KIRREL3: variants seen among roughly 807,000 people sequenced by gnomAD.
KIRREL3 encodes kin of IRRE-like protein 3.
A neutral mutation model predicts 89.7 loss-of-function variants in KIRREL3; 36 were observed. The ratio of observed to expected loss-of-function variants is 0.40; its 90% confidence interval spans 0.31 to 0.53. The LOEUF is 0.53. KIRREL3 is among the 20% of genes least tolerant of loss of function. The probability of loss-of-function intolerance (pLI) is 0.49; values close to 1 mark genes in which losing one functional copy is unlikely to be tolerated. For synonymous variants in KIRREL3, 445 were observed against 441.4 expected (o/e 1.01, Z -0.10); for missense variants, 864 against 1,056.6 (o/e 0.82, Z 2.53).
In KIRREL3 at chr11:126,997,679, C is replaced by T. The variant is rs377623172; in HGVS notation, c.55+2776G>A. Among the ~76,000 whole-genome samples, 19 of 152,300 alleles carry T rather than the reference C, an allele frequency of 1.2e-4. No homozygotes were observed. Among genetic ancestry groups the T allele is most frequent in the Admixed American group, 3.3e-4 (5 of 15,306 alleles). ...ATTAGGAAGAAAAGGATGGCTGGAA[C>T]GGACTTTAAGAGTTTATTTGTATCT... On this transcript the variant is annotated intron_variant, in intron 1 of 16. Transcript: ENST00000525144. The surrounding 1 kb of genome is among the most constrained non-coding windows in gnomAD (Gnocchi z 4.3).
chr11:126,789,839 G>A (rs7111802), intron 1 of KIRREL3, among the ~76,000 whole-genome samples: 3,608 of 152,150 alleles, frequency 0.024, 140 homozygotes, highest in African/African-American at 0.081. Context: ...ATGGAATCCC[G>A]TCCTTGAACT....
Position 126,795,021 on chromosome 11 carries a change from T to C in KIRREL3, c.55+205434A>G, listed in dbSNP as rs571637504. ...GCTAAATACTGTGTGATGTCAACTATATAATATTCTGGAAAGGCAGACAAA... is the reference window on the plus strand; with the variant it reads ...GCTAAATACTGTGTGATGTCAACTACATAATATTCTGGAAAGGCAGACAAA... On this transcript the variant is annotated intron_variant, in intron 1 of 16. Coordinates refer to ENST00000525144, the MANE Select transcript of KIRREL3 (RefSeq NM_032531.4). The surrounding 1 kb of genome is among the most constrained non-coding windows in gnomAD (Gnocchi z 4.1). Among the ~76,000 whole-genome samples the C allele has an allele frequency of 6.6e-6, 1 of 152,308 alleles. No homozygotes were observed. The highest frequency in any genetic ancestry group is 2.1e-4 in the South Asian group (1 of 4,828).
At chr11:126,681,281 C>A (rs1256553760) in intron 1 of KIRREL3, among the ~76,000 whole-genome samples, 1 of 152,208 alleles carries the variant, frequency 6.6e-6, no homozygotes, top group Non-Finnish European at 1.5e-5. Context: ...ACCTTCCCTT[C>A]ATACCTCCAG....
intron 9 of KIRREL3, among the ~76,000 whole-genome samples, chr11:126,446,229 G>GT (rs1417032801): frequency 1.2e-4 from 18 of 151,000 alleles, no homozygotes; most frequent in African/African-American, 4.1e-4. Context: ...TTTGGGGGAA[G>GT]TTTAAAAGGC....
rs1948268213 is a variant in KIRREL3 at position 126,723,704 on chromosome 11, A to G, written c.56-160792T>C. ...AGTACCTAGACCATGATGACATAAT[A>G]ATAGATGCAGAATTAATTTTCATTG... On this transcript the variant is annotated intron_variant, in intron 1 of 16. Transcript: ENST00000525144. This position sits in a 1 kb window ranked among gnomAD's most constrained non-coding sequence, Gnocchi z 4.0. Among the ~76,000 whole-genome samples, 1 of 152,190 alleles carries G rather than the reference A, an allele frequency of 6.6e-6. No individual in the cohort carries two copies. Among genetic ancestry groups the G allele is most frequent in the Non-Finnish European group, 1.5e-5 (1 of 68,040 alleles).
Position 126,491,993 on chromosome 11 carries a change from C to T in KIRREL3, c.434-18527G>A, listed in dbSNP as rs929935916. Reference sequence around the variant, plus strand: ...CTAGGATTACAGGTGTGAGCCACCACGCCTGGGAGATTTGGAGTATTGATA... The same window carrying T: ...CTAGGATTACAGGTGTGAGCCACCATGCCTGGGAGATTTGGAGTATTGATA... On this transcript the variant is annotated intron_variant, in intron 4 of 16. Coordinates refer to ENST00000525144, the MANE Select transcript of KIRREL3 (RefSeq NM_032531.4). The surrounding 1 kb of genome is among the most constrained non-coding windows in gnomAD (Gnocchi z 5.5). Among the ~76,000 whole-genome samples the T allele has an allele frequency of 2.0e-5, 3 of 152,206 alleles. No homozygotes were observed. The highest frequency in any genetic ancestry group is 4.8e-5 in the African/African-American group (2 of 41,548).
chr11:126,693,633 C>CACA (rs1231272271), intron 1 of KIRREL3, among the ~76,000 whole-genome samples: 2 of 104,718 alleles, frequency 1.9e-5, no homozygotes, highest in Admixed American at 9.7e-5. Flanking sequence ...ACACACACAC[C>CACA]CATAGTCAGA....
At position 126,747,183 on chromosome 11, in the gene KIRREL3, G is replaced by T. The variant is rs1949181124; in HGVS notation, c.56-184271C>A. 6.6e-6 allele frequency among the ~76,000 whole-genome samples: 1 copy of T among 152,156 alleles called. No individual in the cohort carries two copies. Among genetic ancestry groups the T allele is most frequent in the African/African-American group, 2.4e-5 (1 of 41,436 alleles). ...AAGTTGGCCTCATAGCATAGAGCTT[G>T]GCTCTTGGCTTAGTCCCAGGCCAGC... is the stretch of plus-strand genomic sequence containing the variant. On this transcript the variant is annotated intron_variant, in intron 1 of 16. Coordinates refer to ENST00000525144, the MANE Select transcript of KIRREL3 (RefSeq NM_032531.4). This position sits in a 1 kb window ranked among gnomAD's most constrained non-coding sequence, Gnocchi z 4.7.
chr11:126,518,524 T>C (rs1039564353), intron 4 of KIRREL3, among the ~76,000 whole-genome samples: 1 of 152,256 alleles, frequency 6.6e-6, no homozygotes, highest in African/African-American at 2.4e-5. Flanking sequence ...TAATTAAAAA[T>C]CTATCTCAGG....
At chr11:126,916,523 A>G (rs1947046572) in intron 1 of KIRREL3, among the ~76,000 whole-genome samples, 1 of 152,154 alleles carries the variant, frequency 6.6e-6, no homozygotes, top group African/African-American at 2.4e-5. Context: ...GGAGAGAGAA[A>G]GACACTTCTT....
chr11:126,435,570 A>T (rs1261444520), intron 12 of KIRREL3, among the ~76,000 whole-genome samples: 16 of 131,576 alleles, frequency 1.2e-4, no homozygotes, highest in African/African-American at 3.9e-4. Flanking sequence ...GGGGGAGGGC[A>T]TGGGGATGGG....
intron 1 of KIRREL3, among the ~76,000 whole-genome samples, chr11:126,663,858 G>A (rs558259467): frequency 6.6e-6 from 1 of 152,342 alleles, no homozygotes; most frequent in Admixed American, 6.5e-5. Flanking sequence ...TGGGGAATGA[G>A]GAATTAGTTT....
intron 4 of KIRREL3, among the ~76,000 whole-genome samples, chr11:126,478,398 G>A (rs1487203463): frequency 6.6e-6 from 1 of 151,980 alleles, no homozygotes; most frequent in African/African-American, 2.4e-5. Context: ...AGAAATATTT[G>A]TTGAATATAT....
intron 1 of KIRREL3, among the ~76,000 whole-genome samples, chr11:126,790,009 G>C (rs1041557397): frequency 3.3e-5 from 5 of 152,110 alleles, no homozygotes; most frequent in Non-Finnish European, 5.9e-5. Context: ...TGAACCTCTT[G>C]ATGTCTCATT....
chr11:126,800,139 G>C (rs1202729640), intron 1 of KIRREL3, among the ~76,000 whole-genome samples: 1 of 152,192 alleles, frequency 6.6e-6, no homozygotes, highest in Non-Finnish European at 1.5e-5. Context: ...CATCAGTTAT[G>C]ACTCAGGTCT....
rs761413856 is a variant in KIRREL3 at position 126,993,246 on chromosome 11, G to A, written c.55+7209C>T. Among the ~76,000 whole-genome samples the A allele has an allele frequency of 6.6e-6, 1 of 152,124 alleles. No individual in the cohort carries two copies. Among genetic ancestry groups the A allele is most frequent in the Non-Finnish European group, 1.5e-5 (1 of 68,020 alleles). ...TTATCTCAATCCATCCTCAAAAGAT[G>A]TATAATGGCACCCATGGCCATTCAC... is the stretch of plus-strand genomic sequence containing the variant. On this transcript the variant is annotated intron_variant, in intron 1 of 16. Coordinates refer to ENST00000525144, the MANE Select transcript of KIRREL3 (RefSeq NM_032531.4). The surrounding 1 kb of genome is among the most constrained non-coding windows in gnomAD (Gnocchi z 6.1).
At position 126,459,377 on chromosome 11, in the gene KIRREL3, C is replaced by T. The variant is rs374674746; in HGVS notation, c.743-2923G>A. On this transcript the variant is annotated intron_variant, in intron 6 of 16. Transcript: ENST00000525144. This position sits in a 1 kb window ranked among gnomAD's most constrained non-coding sequence, Gnocchi z 4.8. ...TCGTAAGGCTGCTCTCCTGCACTTT[C>T]CCTTCCTCTTAGCATCGTCTTTGGT... 3.3e-5 allele frequency among the ~76,000 whole-genome samples: 5 copies of T among 152,304 alleles called. No homozygotes were observed. Among genetic ancestry groups the T allele is most frequent in the African/African-American group, 1.2e-4 (5 of 41,564 alleles).
In KIRREL3 at chr11:126,533,929, C is replaced by T. The variant is rs57849809; in HGVS notation, c.134-7242G>A. Among the ~76,000 whole-genome samples, 941 of 152,266 alleles carry T rather than the reference C, an allele frequency of 6.2e-3. 11 individuals are homozygous for T. Among genetic ancestry groups the T allele is most frequent in the African/African-American group, 0.021 (881 of 41,556 alleles). On this transcript the variant is annotated intron_variant, in intron 2 of 16. Coordinates refer to ENST00000525144, the MANE Select transcript of KIRREL3 (RefSeq NM_032531.4). Reference sequence around the variant, plus strand: ...CCACCCTCTGTCCTGAACACCAGGCCGCAGGCTGAGCTCCATAGGGCTGGG... The same window carrying T: ...CCACCCTCTGTCCTGAACACCAGGCTGCAGGCTGAGCTCCATAGGGCTGGG...
Position 126,673,526 on chromosome 11 carries a change from C to T in KIRREL3, c.56-110614G>A, listed in dbSNP as rs901163842. ...AGGGGAAGGAGGAAGCTCCTAAAGGCAAGGAATTCATAATTGCTTCTTACC... is the reference window on the plus strand; with the variant it reads ...AGGGGAAGGAGGAAGCTCCTAAAGGTAAGGAATTCATAATTGCTTCTTACC... On this transcript the variant is annotated intron_variant, in intron 1 of 16. Transcript: ENST00000525144. Among the ~76,000 whole-genome samples, 17 of 152,290 alleles carry T rather than the reference C, an allele frequency of 1.1e-4. No homozygotes were observed. In the South Asian group the frequency reaches 3.5e-3, roughly 32 times the overall value.
Sources: allele counts gnomAD v4.1 joint callset (sites outside exome capture counted in the v4.1 genomes callset), GRCh38; gene constraint gnomAD v4.1.1; non-coding constraint Gnocchi (gnomAD v3.1); transcripts MANE v1.5; gene names NCBI Gene and HGNC (gene_info 2026-07-23, HGNC 2026-07-21).